The following SINHCAF variants were observed in gnomAD, a reference collection of about 807,000 sequenced individuals.
The protein encoded by SINHCAF is SIN3-HDAC complex-associated factor.
Under a neutral mutation model 25.8 loss-of-function variants are expected in SINHCAF, and 3 were observed. The ratio of observed to expected loss-of-function variants is 0.12; its 90% confidence interval spans 0.05 to 0.30. The LOEUF (loss-of-function observed/expected upper bound fraction) is 0.30. SINHCAF is among the 10% of genes least tolerant of loss of function. SINHCAF has a pLI of 1.00. For missense variants in SINHCAF, 121 were observed against 262.3 expected, an observed-to-expected ratio of 0.46 and a Z score of 3.72; for synonymous variants, 70 against 85.5, an observed-to-expected ratio of 0.82 and a Z score of 1.00.
chr12:31,296,855 CA>C (rs530285362), intron 2 of SINHCAF: 114 of 295,264 alleles, frequency 3.9e-4, no homozygotes, highest in African/African-American at 2.3e-3. Flanking sequence ...GACTCTGTCT[CA>C]AACAAACCAA....
rs1938498828 is a variant in SINHCAF at position 31,295,163 on chromosome 12, A to C, written c.228+71T>G. The stretch of plus-strand genomic sequence containing the variant: ...TACCCTAGGGATATATTACTTCCTA[A>C]ATTAGGGGGAAATTAATGTTACTTT... On this transcript the variant is annotated intron_variant, in intron 3 of 5. Transcript: ENST00000337682. 6.4e-6 allele frequency: 6 copies of C among 932,910 alleles called. No homozygotes were observed. The South Asian group carries it at 9.3e-5, about 14-fold the overall frequency. 57.8% of individuals were successfully genotyped at this position (932,910 alleles called of 1,614,324 possible).
chr12:31,319,948 G>A (rs899492728), intron 1 of SINHCAF, among the ~76,000 whole-genome samples: 5 of 152,126 alleles, frequency 3.3e-5, no homozygotes, highest in Non-Finnish European at 7.4e-5. Flanking sequence ...GAAGCCAACT[G>A]AGCTCTTCCT....
At chr12:31,296,817 C>A (rs1938568736) in intron 2 of SINHCAF, 1 of 246,424 alleles carries the variant, frequency 4.1e-6, no homozygotes, top group Non-Finnish European at 8.3e-6. Context: ...GACAGTGACA[C>A]TGCAGTTCTG....
chr12:31,320,071 C>T (rs972359438), intron 1 of SINHCAF, among the ~76,000 whole-genome samples: 1 of 152,172 alleles, frequency 6.6e-6, no homozygotes, highest in African/African-American at 2.4e-5. Flanking sequence ...TGCATGAACT[C>T]CTGTCAGAAC....
chr12:31,314,118 C>T (rs1005728272), intron 1 of SINHCAF, among the ~76,000 whole-genome samples: 1 of 152,072 alleles, frequency 6.6e-6, no homozygotes, highest in African/African-American at 2.4e-5. Context: ...GGAAGGACAA[C>T]AAGAGCAGGG....
rs539336705 is a variant in SINHCAF, at chr12:31,282,559, T to C, written c.*153A>G. ...ATCACTTGAACCCGGGAGACGGAAG[T>C]TGCAGTGAGCCAAGATCACGCCACT... On this transcript the variant is annotated 3_prime_UTR_variant, in exon 6 of 6. Coordinates refer to ENST00000337682, the MANE Select transcript of SINHCAF (RefSeq NM_001135812.2). 6 of 547,958 alleles carry C rather than the reference T, an allele frequency of 1.1e-5. No individual in the cohort carries two copies. The East Asian group carries it at 2.0e-4, about 18-fold the overall frequency. The allele number at this position is 547,958 out of a possible 1,614,324, so 33.9% of individuals were successfully genotyped here.
At chr12:31,291,582 G>A (rs1216650173) in intron 4 of SINHCAF, among the ~76,000 whole-genome samples, 1 of 152,210 alleles carries the variant, frequency 6.6e-6, no homozygotes, top group African/African-American at 2.4e-5. Flanking sequence ...TGGCCAACAT[G>A]GCGAAACTCT....
chr12:31,305,653 A>G (rs1938991227), intron 1 of SINHCAF, among the ~76,000 whole-genome samples: 2 of 151,624 alleles, frequency 1.3e-5, no homozygotes, highest in Admixed American at 1.3e-4. Flanking sequence ...ATCCAGAGGA[A>G]CTAAGGGTGG....
intron 1 of SINHCAF, among the ~76,000 whole-genome samples, chr12:31,310,743 T>G (rs1039628763): frequency 6.6e-6 from 1 of 152,212 alleles, no homozygotes; most frequent in African/African-American, 2.4e-5. Flanking sequence ...GTCATTTTTA[T>G]TGTTTTCAAA....
intron 2 of SINHCAF, 108 bp from the exon 3 acceptor site, chr12:31,295,441 C>T: frequency 1.4e-6 from 1 of 698,224 alleles, no homozygotes. Context: ...TTTATAGATA[C>T]AATTTAATCA....
chr12:31,317,086 C>T (rs1939523680), intron 1 of SINHCAF, among the ~76,000 whole-genome samples: 1 of 151,996 alleles, frequency 6.6e-6, no homozygotes, highest in Non-Finnish European at 1.5e-5. Flanking sequence ...TTTTAATATT[C>T]AAAAGTACCT....
Position 31,326,137 on chromosome 12 carries a change from TCTC to T in SINHCAF, c.-137_-135del, listed in dbSNP as rs1418034109. On this transcript the variant is annotated 5_prime_UTR_variant, in exon 1 of 6. Transcript: ENST00000337682. The stretch of plus-strand genomic sequence containing the variant: ...TCAACTGCCTTGTCTAGAAAGATAG[TCTC>T]CTGCAGTTCTGCAGTTGCTACCGCT... 2 of 152,192 alleles carry T rather than the reference TCTC, an allele frequency of 1.3e-5. No individual in the cohort carries two copies. The highest frequency in any genetic ancestry group is 6.5e-5 in the Admixed American group (1 of 15,272). 9.4% of individuals were successfully genotyped at this position (152,192 alleles called of 1,614,324 possible). A position where few individuals can be genotyped will look rare whatever the true frequency, so the allele number is the denominator to read the frequency against.
intron 2 of SINHCAF, among the ~76,000 whole-genome samples, chr12:31,297,587 C>G (rs1016904268): frequency 2.0e-5 from 3 of 151,256 alleles, no homozygotes; most frequent in Non-Finnish European, 2.9e-5. Context: ...ATTCTCCTGC[C>G]TCAGCCTCTG....
At chr12:31,318,692 T>C (rs1202958905) in intron 1 of SINHCAF, among the ~76,000 whole-genome samples, 8 of 151,410 alleles carry the variant, frequency 5.3e-5, no homozygotes, top group Admixed American at 1.3e-4. Context: ...CTCCCAATTC[T>C]AGATTAAGAG....
Position 31,298,091 on chromosome 12 carries a change from G to A in SINHCAF, c.114C>T (p.Phe38=). 1 of 1,613,906 alleles carries A rather than the reference G, an allele frequency of 6.2e-7. No homozygotes were observed. The highest frequency in any genetic ancestry group is 8.5e-7 in the Non-Finnish European group (1 of 1,179,902). ...FTDSKRYEKD[F]QSCFGLHETR... The stretch of plus-strand genomic sequence containing the variant: ...GGTGATCTTACCCAAAACAGCTCTG[G>A]AAGTCCTTTTCATAGCGTTTACTGT... Residue 38 remains phenylalanine, a synonymous_variant, in exon 2 of 6, where the codon TTC becomes TTT. Transcript: ENST00000337682.
intron 1 of SINHCAF, among the ~76,000 whole-genome samples, chr12:31,308,879 G>A (rs981571461): frequency 3.3e-5 from 5 of 152,060 alleles, no homozygotes; most frequent in Middle Eastern, 3.2e-3. Flanking sequence ...TATAATCCCA[G>A]CACTTTGGGA....
chr12:31,308,072 TG>T (rs1184839228), intron 1 of SINHCAF, among the ~76,000 whole-genome samples: 1 of 152,198 alleles, frequency 6.6e-6, no homozygotes, highest in African/African-American at 2.4e-5. Flanking sequence ...CCCATGTAAC[TG>T]GGACTACAGG....
chr12:31,313,987 A>G (rs756081897), intron 1 of SINHCAF, among the ~76,000 whole-genome samples: 1 of 151,972 alleles, frequency 6.6e-6, no homozygotes, highest in Non-Finnish European at 1.5e-5. Flanking sequence ...AAAAAAAGAG[A>G]AAGAGAATTA....
chr12:31,309,946 C>T (rs772959171), intron 1 of SINHCAF, among the ~76,000 whole-genome samples: 4 of 152,048 alleles, frequency 2.6e-5, no homozygotes, highest in African/African-American at 9.7e-5. Flanking sequence ...GGATTACAAG[C>T]GTGAGCCACC....
Sources: gnomAD v4.1 joint callset for allele counts (sites outside exome capture counted in the v4.1 genomes callset) on GRCh38, gnomAD v4.1.1 for gene constraint, MANE v1.5 for transcripts, NCBI Gene and HGNC (gene_info 2026-07-23, HGNC 2026-07-21) for gene names.